GULP1: variants seen among roughly 807,000 people sequenced by gnomAD.
GULP1 encodes PTB domain-containing engulfment adapter protein 1.
In GULP1, 19 loss-of-function variants were observed where a neutral mutation model predicts 40.9. The observed-to-expected ratio is 0.46, with a 90% CI of 0.32 to 0.68. The LOEUF (loss-of-function observed/expected upper bound fraction) is 0.68, where lower values mean the gene tolerates loss of function less well. Among genes scored for constraint, GULP1 ranks in the 30% least tolerant of loss-of-function variants. The pLI is 0.03. For synonymous variants in GULP1, 119 were observed against 117.6 expected, an observed-to-expected ratio of 1.01 and a Z score of -0.08; for missense variants, 312 against 362.2, an observed-to-expected ratio of 0.86 and a Z score of 1.12.
rs184581778 is a variant in GULP1 at position 188,393,916 on chromosome 2, A to G, written c.-45+10027A>G. 1.1e-3 allele frequency among the ~76,000 whole-genome samples: 167 copies of G among 152,254 alleles called. 1 individual carries two copies. Among genetic ancestry groups the G allele is most frequent in the Admixed American group, 5.3e-3 (81 of 15,298 alleles). On this transcript the variant is annotated intron_variant, in intron 2 of 11. Coordinates refer to ENST00000409830, the MANE Select transcript of GULP1 (RefSeq NM_016315.4). Reference sequence around the variant, plus strand: ...CTGTCAGTTTGACAGGCTTTCCTTTATAAGTTACCTGATGCTTTTGTCTCA... The same window carrying G: ...CTGTCAGTTTGACAGGCTTTCCTTTGTAAGTTACCTGATGCTTTTGTCTCA...
rs373793922 is a variant in GULP1, at chr2:188,314,730, A to G, written c.-172+22564A>G. The stretch of plus-strand genomic sequence containing the variant: ...CAATGGTTTTGTTTTCTGCAGTTCC[A>G]GTTACCTCCGGTCAATTGTGGTTGG... On this transcript the variant is annotated intron_variant, in intron 1 of 11. Coordinates refer to ENST00000409830, the MANE Select transcript of GULP1 (RefSeq NM_016315.4). Among the ~76,000 whole-genome samples, 14 of 152,296 alleles carry G rather than the reference A, an allele frequency of 9.2e-5. No individual in the cohort carries two copies. The East Asian group carries it at 1.9e-3, about 21-fold the overall frequency.
chr2:188,465,947 T>TTATGAAGGTGTGTGTGTGTG (rs1394447337), intron 2 of GULP1, among the ~76,000 whole-genome samples: 1 of 151,520 alleles, frequency 6.6e-6, no homozygotes, highest in East Asian at 1.9e-4. Context: ...TTTTTGGCTC[T>TTATGAAGGTGTGTGTGTGTG]TATGAAGGTG....
At chr2:188,398,113 A>G (rs912881643) in intron 2 of GULP1, among the ~76,000 whole-genome samples, 2 of 152,358 alleles carry the variant, frequency 1.3e-5, no homozygotes, top group African/African-American at 4.8e-5. Flanking sequence ...GGAGAAGACC[A>G]TGTAGAGACA....
At chr2:188,305,602 C>G (rs1021764447) in intron 1 of GULP1, among the ~76,000 whole-genome samples, 1 of 152,182 alleles carries the variant, frequency 6.6e-6, no homozygotes, top group East Asian at 1.9e-4. Flanking sequence ...AGCATTATAA[C>G]AAGGACTATG....
chr2:188,561,465 G>T (rs1213634840), intron 7 of GULP1, among the ~76,000 whole-genome samples: 1 of 152,178 alleles, frequency 6.6e-6, no homozygotes, highest in East Asian at 1.9e-4. Flanking sequence ...GCCAGTTAAG[G>T]TAATAGCAGC....
At chr2:188,295,650 A>G (rs970846945) in intron 1 of GULP1, among the ~76,000 whole-genome samples, 2 of 152,286 alleles carry the variant, frequency 1.3e-5, no homozygotes, top group Admixed American at 1.3e-4. Context: ...AGAAAACAGA[A>G]TAAGTATAGA....
Position 188,347,771 on chromosome 2 carries a change from G to A in GULP1, c.-171-35992G>A, listed in dbSNP as rs143452739. On this transcript the variant is annotated intron_variant, in intron 1 of 11. Coordinates refer to ENST00000409830, the MANE Select transcript of GULP1 (RefSeq NM_016315.4). ...TGGGACTACAGGCACATGCCACCAC[G>A]CCCAACTAATTTCTTTTTCTATTTT... Among the ~76,000 whole-genome samples, 899 of 152,098 alleles carry A rather than the reference G, an allele frequency of 5.9e-3. 6 individuals are homozygous for A. The highest frequency in any genetic ancestry group is 0.02 in the African/African-American group (837 of 41,504).
chr2:188,413,222 T>C (rs2054145354), intron 2 of GULP1, among the ~76,000 whole-genome samples: 1 of 152,240 alleles, frequency 6.6e-6, no homozygotes, highest in Non-Finnish European at 1.5e-5. Flanking sequence ...TTGGGATCAC[T>C]GGGTCAAATG....
intron 9 of GULP1, among the ~76,000 whole-genome samples, chr2:188,576,622 G>C (rs1468925124): frequency 2.6e-5 from 4 of 151,980 alleles, no homozygotes; most frequent in African/African-American, 7.3e-5. Flanking sequence ...CCACACAGTT[G>C]GGTCAATCAT....
intron 2 of GULP1, among the ~76,000 whole-genome samples, chr2:188,421,274 C>T (rs925908219): frequency 3.9e-5 from 6 of 152,076 alleles, no homozygotes; most frequent in East Asian, 1.9e-4. Context: ...ATTTCAAATT[C>T]GTCAACAATA....
At chr2:188,473,757 G>T in intron 2 of GULP1, among the ~76,000 whole-genome samples, 1 of 152,092 alleles carries the variant, frequency 6.6e-6, no homozygotes, top group Admixed American at 6.6e-5. Flanking sequence ...GAGACGAGTT[G>T]GTTCTCTACC....
intron 4 of GULP1, among the ~76,000 whole-genome samples, chr2:188,489,304 T>C (rs1376578606): frequency 1.3e-5 from 2 of 152,016 alleles, no homozygotes. Flanking sequence ...AGAGCAGTTT[T>C]ATACAAGCAG....
intron 4 of GULP1, among the ~76,000 whole-genome samples, chr2:188,515,038 T>G (rs370992856): frequency 2.5e-4 from 38 of 152,344 alleles, no homozygotes; most frequent in East Asian, 2.3e-3. Context: ...ACTTGAACAT[T>G]AGTATTCATT....
At chr2:188,447,953 T>G (rs2152902797) in intron 2 of GULP1, among the ~76,000 whole-genome samples, 1 of 152,340 alleles carries the variant, frequency 6.6e-6, no homozygotes, top group African/African-American at 2.4e-5. Flanking sequence ...AAAGTATCAG[T>G]AATTGATACT....
chr2:188,531,667 A>G (rs1687574690), intron 6 of GULP1, among the ~76,000 whole-genome samples: 2 of 152,226 alleles, frequency 1.3e-5, no homozygotes, highest in Non-Finnish European at 2.9e-5. Flanking sequence ...TCAAGCATAT[A>G]ATGGGATATA....
intron 6 of GULP1, among the ~76,000 whole-genome samples, chr2:188,534,249 A>G (rs767549291): frequency 5.3e-5 from 8 of 152,332 alleles, no homozygotes; most frequent in South Asian, 2.1e-4. Context: ...ATGCCTCTCA[A>G]TGGTGGATTG....
In GULP1 at chr2:188,465,610, C is replaced by A. The variant is rs2060044830; in HGVS notation, c.-44-12049C>A. Among the ~76,000 whole-genome samples, 4 of 152,152 alleles carry A rather than the reference C, an allele frequency of 2.6e-5. No individual in the cohort carries two copies. In the South Asian group the frequency reaches 8.3e-4, roughly 31 times the overall value. ...CTCATGATGGCAAGGCTTGGGGGAA[C>A]TGAAGTTCCAAACACTGGGATTGGC... On this transcript the variant is annotated intron_variant, in intron 2 of 11. Coordinates refer to ENST00000409830, the MANE Select transcript of GULP1 (RefSeq NM_016315.4).
intron 7 of GULP1, among the ~76,000 whole-genome samples, chr2:188,561,417 A>G (rs1307223641): frequency 1.3e-5 from 2 of 152,190 alleles, no homozygotes; most frequent in Non-Finnish European, 1.5e-5. Context: ...GGCAGTGGCT[A>G]TGATGGGCTG....
At chr2:188,550,934 A>G (rs956018553) in intron 7 of GULP1, among the ~76,000 whole-genome samples, 6 of 151,562 alleles carry the variant, frequency 4.0e-5, no homozygotes, top group Non-Finnish European at 1.5e-5. Flanking sequence ...ACCAATTTTC[A>G]TGTCTCCATT....
Sources: gnomAD v4.1 joint callset for allele counts (sites outside exome capture counted in the v4.1 genomes callset) on GRCh38, gnomAD v4.1.1 for gene constraint, MANE v1.5 for transcripts, NCBI Gene and HGNC (gene_info 2026-07-23, HGNC 2026-07-21) for gene names.